Variants in ATG16L2 observed in about 807,000 individuals in gnomAD.
ATG16L2 encodes the protein protein Atg16l2.
Under a neutral mutation model 84.7 loss-of-function variants are expected in ATG16L2, and 77 were observed. The observed-to-expected ratio is 0.91, with a 90% CI of 0.76 to 1.10. ATG16L2 has a LOEUF of 1.10. Ranked by LOEUF, ATG16L2 falls within the 50% of genes least tolerant of loss-of-function variation. The pLI, the probability that ATG16L2 is intolerant of heterozygous loss-of-function variation, is 0.00. For synonymous variants in ATG16L2, 361 were observed against 342.8 expected (o/e 1.05, Z -0.59); for missense variants, 782 against 817.6 (o/e 0.96, Z 0.53).
downstream of ATG16L2, among the ~76,000 whole-genome samples, chr11:72,829,875 A>G (rs1030024126): frequency 1.3e-5 from 2 of 152,194 alleles, no homozygotes; most frequent in African/African-American, 4.8e-5. Flanking sequence ...CTGAGGCCAA[A>G]GCAACATGTT....
downstream of ATG16L2, among the ~76,000 whole-genome samples, chr11:72,834,555 T>C (rs1342032246): frequency 6.6e-6 from 1 of 151,954 alleles, no homozygotes; most frequent in African/African-American, 2.4e-5. Flanking sequence ...GAGAGTTAGA[T>C]AAGCCCTGGG....
chr11:72,816,593 G>A lies in ATG16L2; in HGVS notation c.119-135G>A. 3 of 699,112 alleles carry A rather than the reference G, an allele frequency of 4.3e-6. No homozygotes were observed. The South Asian group carries it at 5.1e-5, about 12-fold the overall frequency. 43.3% of individuals were successfully genotyped at this position (699,112 alleles called of 1,614,324 possible). ...AGATGCCCCTCAGGCACAGGGCAGA[G>A]GCCAGCCTGCCAGAAGCTTCCCCAT... On this transcript the variant is annotated intron_variant, in intron 1 of 17. Transcript: ENST00000321297.
At chr11:72,816,601 T>C (rs938158587) in intron 1 of ATG16L2, 127 bp from the exon 2 acceptor site, 10 of 733,550 alleles carry the variant, frequency 1.4e-5, no homozygotes, top group Non-Finnish European at 2.3e-5. Flanking sequence ...GAGGCCAGCC[T>C]GCCAGAAGCT....
Position 72,821,673 on chromosome 11 carries a change from C to T in ATG16L2, c.324C>T (p.Ala108=). The change falls in exon 4 of 18, where the codon GCC becomes GCT. Residue 108 remains alanine, a synonymous_variant. Coordinates refer to ENST00000321297, the MANE Select transcript of ATG16L2 (RefSeq NM_033388.2). ...GCCCACCTGTCCGCCCCCAGATGGC[C>T]TACCAGGTGGTGGAGAAGGGCGCGG... is the stretch of plus-strand genomic sequence containing the variant. ...EGLRLVCGEM[A]YQVVEKGAAL... 2 of 1,536,258 alleles carry T rather than the reference C, an allele frequency of 1.3e-6. No homozygotes were observed. The highest frequency in any genetic ancestry group is 1.7e-6 in the Non-Finnish European group (2 of 1,145,776).
chr11:72,821,818 G>T (rs1860010926), intron 4 of ATG16L2, 77 bp downstream of exon 4: 2 of 1,495,764 alleles, frequency 1.3e-6, no homozygotes, highest in South Asian at 2.5e-5. Flanking sequence ...GAGGCGGGGG[G>T]AATGGCGCGG....
intron 14 of ATG16L2, among the ~76,000 whole-genome samples, chr11:72,827,550 C>A (rs1860435552): frequency 6.6e-6 from 1 of 152,174 alleles, no homozygotes; most frequent in Non-Finnish European, 1.5e-5. Context: ...GTACCTTTTT[C>A]CATTTAGTTA....
Position 72,826,409 on chromosome 11 carries a change from T to C in ATG16L2, c.1174-109T>C, listed in dbSNP as rs940978516. ...GGGCCGGAGGCTCCTTTGCCTGCCT[T>C]GGTGACCTGGGCCGTGGGAAACTGT... is the stretch of plus-strand genomic sequence containing the variant. On this transcript the variant is annotated intron_variant, in intron 11 of 17. Transcript: ENST00000321297. 2.7e-6 allele frequency: 4 copies of C among 1,491,698 alleles called. No homozygotes were observed. In the African/African-American group the frequency reaches 5.5e-5, roughly 21 times the overall value. 92.4% of individuals were successfully genotyped at this position (1,491,698 alleles called of 1,614,324 possible). A position where few individuals can be genotyped will look rare whatever the true frequency, so the allele number is the denominator to read the frequency against.
chr11:72,822,792 G>A lies in ATG16L2; in HGVS notation c.711-56G>A, dbSNP rs552890183. ...TGTCTTCAGCGTATCCTGTGCTGGG[G>A]TCGGGAGGGGCTGGCTTGGTCCCTT... On this transcript the variant is annotated intron_variant, in intron 6 of 17. Transcript: ENST00000321297. The surrounding 1 kb of genome is among the most constrained non-coding windows in gnomAD (Gnocchi z 4.2). The A allele has an allele frequency of 3.7e-6, 5 of 1,343,434 alleles. No homozygotes were observed. Among genetic ancestry groups the A allele is most frequent in the Non-Finnish European group, 5.1e-6 (5 of 972,600 alleles). 83.2% of individuals were successfully genotyped at this position (1,343,434 alleles called of 1,614,324 possible). A position where few individuals can be genotyped will look rare whatever the true frequency, so the allele number is the denominator to read the frequency against.
At position 72,826,697 on chromosome 11, in the gene ATG16L2, G is replaced by T; in HGVS notation, c.1246-6G>T. 1 of 1,614,140 alleles carries T rather than the reference G, an allele frequency of 6.2e-7. No homozygotes were observed. The highest frequency in any genetic ancestry group is 8.5e-7 in the Non-Finnish European group (1 of 1,180,010). Reference sequence around the variant, plus strand: ...CTCTTGATCCGTACCTGGGGCCGGGGTACAGGAGACACTGTCTGGACACAA... The same window carrying T: ...CTCTTGATCCGTACCTGGGGCCGGGTTACAGGAGACACTGTCTGGACACAA... On this transcript the variant is annotated splice_region_variant and splice_polypyrimidine_tract_variant and intron_variant, in intron 12 of 17. Coordinates refer to ENST00000321297, the MANE Select transcript of ATG16L2 (RefSeq NM_033388.2).
chr11:72,823,944 C>A (rs751918940), intron 7 of ATG16L2, 116 bp from the exon 8 acceptor site: 1 of 1,164,510 alleles, frequency 8.6e-7, no homozygotes, highest in Non-Finnish European at 1.3e-6. Flanking sequence ...AAGTTCTTAT[C>A]CCAGACTTGA....
rs1357668995 is a variant in ATG16L2 at position 72,829,302 on chromosome 11, G to A, written c.1773-1G>A. ...TGAAGCCTGCCCCTCCCTTTCCCCAGCGCTGCCGTCAACGCCGTGGCCTGG... is the reference window on the plus strand; with the variant it reads ...TGAAGCCTGCCCCTCCCTTTCCCCAACGCTGCCGTCAACGCCGTGGCCTGG... On this transcript the variant is annotated splice_acceptor_variant, in intron 17 of 17. Coordinates refer to ENST00000321297, the MANE Select transcript of ATG16L2 (RefSeq NM_033388.2). LOFTEE classifies it high-confidence loss of function. 2 of 1,612,868 alleles carry A rather than the reference G, an allele frequency of 1.2e-6. No individual in the cohort carries two copies. Among genetic ancestry groups the A allele is most frequent in the African/African-American group, 2.7e-5 (2 of 74,926 alleles).
intron 11 of ATG16L2, 45 bp downstream of exon 11, chr11:72,826,288 T>G (rs775420141): frequency 1.9e-6 from 3 of 1,595,896 alleles, no homozygotes. Context: ...CCCTCTCTGA[T>G]CTCCACACTG....
Position 72,826,169 on chromosome 11 carries a change from C to T in ATG16L2, c.1103-4C>T. 6.2e-7 allele frequency: 1 copy of T among 1,612,336 alleles called. No homozygotes were observed. Among genetic ancestry groups the T allele is most frequent in the Non-Finnish European group, 8.5e-7 (1 of 1,178,854 alleles). On this transcript the variant is annotated splice_region_variant and splice_polypyrimidine_tract_variant and intron_variant, in intron 10 of 17. Transcript: ENST00000321297. ...TCAACTGTCCCTTCCCCTGGTCCTC[C>T]CAGGTCGCCTGGAGGCCAACCAGAC...
chr11:72,829,200 C>T, intron 17 of ATG16L2, 103 bp from the exon 18 acceptor site: 1 of 1,317,862 alleles, frequency 7.6e-7, no homozygotes, highest in Non-Finnish European at 1.1e-6. Flanking sequence ...GAAACAGGCT[C>T]AAGAGAGGGC....
chr11:72,822,181 G>A lies in ATG16L2; in HGVS notation c.530G>A (p.Arg177Gln). 5 of 1,498,852 alleles carry A rather than the reference G, an allele frequency of 3.3e-6. No individual in the cohort carries two copies. The highest frequency in any genetic ancestry group is 4.4e-6 in the Non-Finnish European group (5 of 1,133,970). The allele number at this position is 1,498,852 out of a possible 1,614,324, so 92.8% of individuals were successfully genotyped here. A position where few individuals can be genotyped will look rare whatever the true frequency, so the allele number is the denominator to read the frequency against. Residue 177 changes from arginine (R) to glutamine (Q), a missense_variant, in exon 5 of 18, where the codon CGG becomes CAG. Transcript: ENST00000321297. This position sits in a 1 kb window ranked among gnomAD's most constrained non-coding sequence, Gnocchi z 4.2. ...GCGCTGCGCGCGCACGTCGGGCTCCGGGAGGCGGCACTGCGCAGGCTCCAG... is the reference window on the plus strand; with the variant it reads ...GCGCTGCGCGCGCACGTCGGGCTCCAGGAGGCGGCACTGCGCAGGCTCCAG... ...YEALRAHVGL[R>Q]EAALRRLQEE... is the part of the protein sequence containing the mutation.
intron 10 of ATG16L2, 138 bp downstream of exon 10, chr11:72,825,545 G>A: frequency 1.5e-6 from 1 of 687,578 alleles, no homozygotes. Flanking sequence ...ACTAGACAAT[G>A]CCTTGGAAAG....
intron 10 of ATG16L2, among the ~76,000 whole-genome samples, chr11:72,825,670 G>T (rs1226314226): frequency 6.6e-6 from 1 of 152,136 alleles, no homozygotes. Flanking sequence ...GGATTGGTGG[G>T]GGTCCCCTAT....
intron 17 of ATG16L2, 148 bp downstream of exon 17, chr11:72,829,132 T>C: frequency 1.8e-6 from 2 of 1,090,890 alleles, no homozygotes; most frequent in South Asian, 1.5e-5. Context: ...CAAGGTACTT[T>C]CCACACGCAC....
downstream of ATG16L2, chr11:72,829,646 C>T (rs1860561328): frequency 7.8e-7 from 1 of 1,284,742 alleles, no homozygotes. Context: ...CTGCGTCTGC[C>T]TACCTCTTTG....
Sources: allele counts gnomAD v4.1 joint callset (sites outside exome capture counted in the v4.1 genomes callset), GRCh38; gene constraint gnomAD v4.1.1; non-coding constraint Gnocchi (gnomAD v3.1); transcripts MANE v1.5; gene names NCBI Gene and HGNC (gene_info 2026-07-23, HGNC 2026-07-21).